Variants in CDC42BPB observed in about 807,000 individuals in gnomAD.
The protein encoded by CDC42BPB is CDC42 binding protein kinase beta.
In CDC42BPB, 37 loss-of-function variants were observed where a neutral mutation model predicts 214.9. That is an observed-to-expected ratio of 0.17 (90% CI 0.13 to 0.23). The LOEUF is 0.23. Among genes scored for constraint, CDC42BPB ranks in the 10% least tolerant of loss-of-function variants. The pLI is 1.00. For missense variants in CDC42BPB, 1,694 were observed against 2,227.0 expected (o/e 0.76, Z 4.82); for synonymous variants, 931 against 884.0 (o/e 1.05, Z -0.94).
intron 1 of CDC42BPB, among the ~76,000 whole-genome samples, chr14:103,022,157 A>G (rs1243198204): frequency 6.6e-6 from 1 of 152,142 alleles, no homozygotes; most frequent in Non-Finnish European, 1.5e-5. Flanking sequence ...GGGGAAGAGA[A>G]GCCAGCAGGG....
At chr14:102,980,627 C>A in intron 8 of CDC42BPB, 146 bp downstream of exon 8, 1 of 707,212 alleles carries the variant, frequency 1.4e-6, no homozygotes, top group South Asian at 1.9e-5. Context: ...AAGGACCCAG[C>A]TGAAGGCTGG....
intron 20 of CDC42BPB, among the ~76,000 whole-genome samples, chr14:102,962,510 A>G (rs1199536316): frequency 1.3e-5 from 2 of 152,168 alleles, no homozygotes; most frequent in Non-Finnish European, 2.9e-5. Context: ...AGGGGATACA[A>G]ATGTGTGCCT....
At chr14:102,950,058 TG>T (rs1373375752) in intron 25 of CDC42BPB, 154 bp from the exon 26 acceptor site, 1 of 985,346 alleles carries the variant, frequency 1.0e-6, no homozygotes, top group Non-Finnish European at 1.2e-6. Flanking sequence ...AAGGCGTTGC[TG>T]GGGAGGGGTC....
chr14:102,961,709 A>C (rs1286584295), intron 20 of CDC42BPB, among the ~76,000 whole-genome samples: 1 of 152,094 alleles, frequency 6.6e-6, no homozygotes, highest in African/African-American at 2.4e-5. Flanking sequence ...ACGCCCAGCT[A>C]ATTTTGTATT....
intron 5 of CDC42BPB, among the ~76,000 whole-genome samples, chr14:102,987,285 A>G (rs1364581925): frequency 6.6e-6 from 1 of 152,236 alleles, no homozygotes; most frequent in Non-Finnish European, 1.5e-5. Context: ...GCCTGTTTCT[A>G]AACTACTTTC....
chr14:102,955,748 T>TGTTAG (rs1333205959), intron 21 of CDC42BPB, among the ~76,000 whole-genome samples: 2 of 152,234 alleles, frequency 1.3e-5, no homozygotes, highest in Non-Finnish European at 2.9e-5. Flanking sequence ...GAGTAGCAAG[T>TGTTAG]GTTAGCACCA....
At chr14:102,986,758 G>A (rs573386305) in intron 5 of CDC42BPB, 178 bp from the exon 6 acceptor site, 24 of 983,626 alleles carry the variant, frequency 2.4e-5, no homozygotes, top group South Asian at 2.4e-4. Flanking sequence ...AGCCGAAGTC[G>A]TATCACTGCC....
intron 5 of CDC42BPB, among the ~76,000 whole-genome samples, chr14:102,997,741 G>C (rs1595124776): frequency 1.3e-5 from 2 of 152,264 alleles, no homozygotes; most frequent in South Asian, 4.1e-4. Flanking sequence ...GTTTATGTAA[G>C]TGTAGTTCTC....
At chr14:103,041,759 A>G in intron 1 of CDC42BPB, 1 of 512,980 alleles carries the variant, frequency 1.9e-6, no homozygotes, top group South Asian at 2.1e-5. Flanking sequence ...ATCTCTGTGG[A>G]TCCAAGGAGG....
At chr14:102,996,230 C>T (rs538308958) in intron 5 of CDC42BPB, among the ~76,000 whole-genome samples, 1 of 152,082 alleles carries the variant, frequency 6.6e-6, no homozygotes, top group Non-Finnish European at 1.5e-5. Flanking sequence ...GTCCCAGCTA[C>T]TCGGGAGGCT....
Position 103,012,091 on chromosome 14 carries a change from T to A in CDC42BPB, c.267+6A>T, listed in dbSNP as rs748744245. On this transcript the variant is annotated splice_donor_region_variant and intron_variant, in intron 2 of 36. Coordinates refer to ENST00000361246, the MANE Select transcript of CDC42BPB (RefSeq NM_006035.4). ...GGCAAAGTTAACAAAATGAAGTTTA[T>A]CTTACCTCACCAAAAGCACCTCTTC... 6.3e-7 allele frequency: 1 copy of A among 1,599,094 alleles called. No homozygotes were observed. The highest frequency in any genetic ancestry group is 8.6e-7 in the Non-Finnish European group (1 of 1,166,730).
At chr14:103,003,382 T>C (rs1325032581) in intron 4 of CDC42BPB, among the ~76,000 whole-genome samples, 2 of 152,214 alleles carry the variant, frequency 1.3e-5, no homozygotes, top group Non-Finnish European at 2.9e-5. Context: ...ACAATGCACA[T>C]GCATGTGCGT....
chr14:102,987,234 G>A (rs1446482200), intron 5 of CDC42BPB, among the ~76,000 whole-genome samples: 1 of 152,350 alleles, frequency 6.6e-6, no homozygotes, highest in Admixed American at 6.5e-5. Flanking sequence ...AGAGCAGCAC[G>A]TGCTGGAGCA....
Position 102,963,745 on chromosome 14 carries a change from G to A in CDC42BPB, c.2727-590C>T, listed in dbSNP as rs373571963. On this transcript the variant is annotated intron_variant, in intron 19 of 36. Coordinates refer to ENST00000361246, the MANE Select transcript of CDC42BPB (RefSeq NM_006035.4). ...CTGCCTACCCTGTTGGGCTGTGGGAGGGTCACAGGATTTAACAACAGAACA... is the reference window on the plus strand; with the variant it reads ...CTGCCTACCCTGTTGGGCTGTGGGAAGGTCACAGGATTTAACAACAGAACA... Among the ~76,000 whole-genome samples the A allele has an allele frequency of 7.9e-5, 12 of 152,334 alleles. No individual in the cohort carries two copies. In the East Asian group the frequency reaches 1.5e-3, roughly 20 times the overall value.
At chr14:103,009,190 T>C (rs896849404) in intron 2 of CDC42BPB, among the ~76,000 whole-genome samples, 2 of 152,210 alleles carry the variant, frequency 1.3e-5, no homozygotes, top group African/African-American at 4.8e-5. Context: ...GCAGCCAGCA[T>C]GTCCCCGTGC....
intron 24 of CDC42BPB, among the ~76,000 whole-genome samples, chr14:102,951,963 G>C (rs914746880): frequency 6.6e-6 from 1 of 152,170 alleles, no homozygotes; most frequent in Non-Finnish European, 1.5e-5. Flanking sequence ...CAGTAGATGA[G>C]TTGAGTCACC....
chr14:102,954,630 A>G lies in CDC42BPB; in HGVS notation c.2960T>C (p.Met987Thr), dbSNP rs754600095. The G allele has an allele frequency of 1.9e-5, 31 of 1,613,850 alleles. No homozygotes were observed. The East Asian group carries it at 6.7e-4, about 35-fold the overall frequency. The change falls in exon 22 of 37, where the codon ATG (methionine) becomes ACG (threonine). Residue 987 changes from methionine (M) to threonine (T), a missense_variant. Coordinates refer to ENST00000361246, the MANE Select transcript of CDC42BPB (RefSeq NM_006035.4). ...CTGCTGCTCTGATGCAGCCACAGAC[A>G]TCGACGGGGACGCTTCTGGCTTCGG... ...QAPKPEASPS[M>T]SVAASEQQED... is the part of the protein sequence containing the mutation.
chr14:102,942,194 C>T (rs1264489386), intron 30 of CDC42BPB, among the ~76,000 whole-genome samples: 2 of 152,000 alleles, frequency 1.3e-5, no homozygotes, highest in Non-Finnish European at 2.9e-5. Flanking sequence ...CCCCTTCCTG[C>T]ACCTCACCGC....
In CDC42BPB at chr14:102,939,945, C is replaced by T. The variant is rs749106487; in HGVS notation, c.4594G>A (p.Ala1532Thr). 6.2e-6 allele frequency: 10 copies of T among 1,613,952 alleles called. No homozygotes were observed. The highest frequency in any genetic ancestry group is 3.3e-4 in the Middle Eastern group (2 of 6,062). ...LIYFKSKFSG[A>T]VLNVPDTSDN... The stretch of plus-strand genomic sequence containing the variant: ...GAGGTGTCCGGCACGTTGAGAACCG[C>T]TCCTGCAGAAGCAGAGCGCGCGGTG... The change falls in exon 33 of 37, where the codon GCG (alanine) becomes ACG (threonine). Residue 1532 changes from alanine to threonine, a missense_variant and splice_region_variant. By Grantham distance (58) the Ala-to-Thr change is moderately conservative (BLOSUM62 0). This residue lies in a region of CDC42BPB where 567 missense variants were observed against 790.3 expected (regional missense o/e 0.72). Coordinates refer to ENST00000361246, the MANE Select transcript of CDC42BPB (RefSeq NM_006035.4).
Sources: allele counts gnomAD v4.1 joint callset (sites outside exome capture counted in the v4.1 genomes callset), GRCh38; gene constraint gnomAD v4.1.1; regional missense constraint gnomAD v4.1.1; transcripts MANE v1.5; gene names NCBI Gene and HGNC (gene_info 2026-07-23, HGNC 2026-07-21).